FRZB: variants seen among roughly 807,000 people sequenced by gnomAD.
FRZB encodes the protein frizzled related protein.
Under a neutral mutation model 32.5 loss-of-function variants are expected in FRZB, and 34 were observed. The observed-to-expected ratio is 1.05, with a 90% CI of 0.80 to 1.39. The LOEUF (loss-of-function observed/expected upper bound fraction) is 1.39, where lower values mean the gene tolerates loss of function less well. Ranked by LOEUF, FRZB falls within the 40% of genes most tolerant of loss-of-function variation. FRZB has a pLI of 0.00. For synonymous variants in FRZB, 170 were observed against 159.2 expected (o/e 1.07, Z -0.51); for missense variants, 423 against 424.8 (o/e 1.00, Z 0.04).
chr2:182,863,229 C>G (rs1695854202), intron 1 of FRZB, among the ~76,000 whole-genome samples: 1 of 152,202 alleles, frequency 6.6e-6, no homozygotes, highest in Non-Finnish European at 1.5e-5. Flanking sequence ...CAAGCCTATC[C>G]TCTTTACTCA....
intron 5 of FRZB, among the ~76,000 whole-genome samples, chr2:182,837,177 G>T (rs927205823): frequency 7.2e-6 from 1 of 138,074 alleles, no homozygotes; most frequent in Non-Finnish European, 1.5e-5. Context: ...GCAGTAAGAA[G>T]AAACAAAACC....
intron 2 of FRZB, 137 bp downstream of exon 2, chr2:182,858,649 T>A: frequency 3.5e-6 from 2 of 564,546 alleles, no homozygotes; most frequent in Non-Finnish European, 6.1e-6. Flanking sequence ...ATAAAATTAA[T>A]ATAAATGAGG....
chr2:182,856,972 A>G lies in FRZB; in HGVS notation c.526+1814T>C, dbSNP rs534484251. Reference sequence around the variant, plus strand: ...TATTAATCAACTAAATTGAATTGACATTTAAAGGACATTCCACCCAACAGC... The same window carrying G: ...TATTAATCAACTAAATTGAATTGACGTTTAAAGGACATTCCACCCAACAGC... On this transcript the variant is annotated intron_variant, in intron 2 of 5. Coordinates refer to ENST00000295113, the MANE Select transcript of FRZB (RefSeq NM_001463.4). Among the ~76,000 whole-genome samples the G allele has an allele frequency of 7.2e-5, 11 of 152,308 alleles. No homozygotes were observed. The East Asian group carries it at 2.1e-3, about 29-fold the overall frequency.
At chr2:182,852,549 G>A (rs544231652) in intron 2 of FRZB, among the ~76,000 whole-genome samples, 10 of 152,026 alleles carry the variant, frequency 6.6e-5, no homozygotes, top group Non-Finnish European at 1.0e-4. Context: ...CTCTATCTCC[G>A]CTCTGGAGAC....
At position 182,866,585 on chromosome 2, in the gene FRZB, G is replaced by T; in HGVS notation, c.-33C>A. The T allele has an allele frequency of 7.2e-7, 1 of 1,385,648 alleles. No homozygotes were observed. Among genetic ancestry groups the T allele is most frequent in the Non-Finnish European group, 9.4e-7 (1 of 1,058,852 alleles). The allele number at this position is 1,385,648 out of a possible 1,614,324, so 85.8% of individuals were successfully genotyped here. On this transcript the variant is annotated 5_prime_UTR_variant, in exon 1 of 6. Coordinates refer to ENST00000295113, the MANE Select transcript of FRZB (RefSeq NM_001463.4). The surrounding 1 kb of genome is among the most constrained non-coding windows in gnomAD (Gnocchi z 4.5). ...GCAGGATGGGGCAGGGTGCAGCCGC[G>T]CAGTGGACGCCAAAAGGCCCGCTCC...
At chr2:182,846,757 A>T (rs927808791) in intron 2 of FRZB, among the ~76,000 whole-genome samples, 2 of 152,204 alleles carry the variant, frequency 1.3e-5, no homozygotes, top group African/African-American at 4.8e-5. Flanking sequence ...CTTAACTATG[A>T]CTTTTTTACT....
At chr2:182,854,274 T>C (rs1221274362) in intron 2 of FRZB, among the ~76,000 whole-genome samples, 1 of 152,204 alleles carries the variant, frequency 6.6e-6, no homozygotes, top group African/African-American at 2.4e-5. Flanking sequence ...TATACTTTAA[T>C]GGTTTATTTT....
intron 2 of FRZB, among the ~76,000 whole-genome samples, chr2:182,852,492 A>T (rs1366776690): frequency 6.6e-6 from 1 of 152,254 alleles, no homozygotes; most frequent in Admixed American, 6.5e-5. Context: ...ACAGGCCCCA[A>T]GAAATAATTT....
chr2:182,852,562 T>C (rs1241484820), intron 2 of FRZB, among the ~76,000 whole-genome samples: 2 of 152,180 alleles, frequency 1.3e-5, no homozygotes, highest in African/African-American at 4.8e-5. Flanking sequence ...CTGGAGACAT[T>C]TGTGTTTTTC....
intron 5 of FRZB, among the ~76,000 whole-genome samples, chr2:182,837,626 T>C (rs1695542213): frequency 6.6e-6 from 1 of 151,874 alleles, no homozygotes; most frequent in Non-Finnish European, 1.5e-5. Context: ...GCGATGCCTT[T>C]AAAAATGGTA....
intron 1 of FRZB, among the ~76,000 whole-genome samples, chr2:182,864,873 G>T (rs184193037): frequency 6.6e-6 from 1 of 152,086 alleles, no homozygotes; most frequent in African/African-American, 2.4e-5. Context: ...AGAGTTGTTG[G>T]GGGGTGGGGG....
intron 3 of FRZB, among the ~76,000 whole-genome samples, chr2:182,838,828 A>G (rs1016262875): frequency 1.6e-4 from 24 of 151,994 alleles, no homozygotes; most frequent in Non-Finnish European, 2.4e-4. Context: ...TCTCTTTCCA[A>G]TTTGTGGCTG....
At chr2:182,837,533 C>T (rs372644366) in intron 5 of FRZB, among the ~76,000 whole-genome samples, 1 of 152,002 alleles carries the variant, frequency 6.6e-6, no homozygotes, top group Non-Finnish European at 1.5e-5. Context: ...CTTTTACCTC[C>T]TCTTTTTCCT....
intron 2 of FRZB, among the ~76,000 whole-genome samples, chr2:182,849,157 G>C (rs1182784463): frequency 6.6e-6 from 1 of 152,048 alleles, no homozygotes; most frequent in African/African-American, 2.4e-5. Context: ...AACCCGGGGG[G>C]TGGAGCTTGC....
At chr2:182,859,623 C>G (rs1380842908) in intron 1 of FRZB, among the ~76,000 whole-genome samples, 1 of 152,114 alleles carries the variant, frequency 6.6e-6, no homozygotes, top group East Asian at 1.9e-4. Context: ...TTTAATGCCT[C>G]TATTTATTCT....
At chr2:182,850,648 T>G (rs1230246618) in intron 2 of FRZB, among the ~76,000 whole-genome samples, 4 of 152,252 alleles carry the variant, frequency 2.6e-5, no homozygotes, top group African/African-American at 4.8e-5. Context: ...TTAGGTTGAT[T>G]CTACATTTTG....
rs1237445695 is a variant in FRZB, at chr2:182,866,471, G to A, written c.82C>T (p.Pro28Ser). 1 of 1,560,890 alleles carries A rather than the reference G, an allele frequency of 6.4e-7. No individual in the cohort carries two copies. The highest frequency in any genetic ancestry group is 2.3e-5 in the East Asian group (1 of 44,020). Residue 28 changes from proline (P) to serine (S), a missense_variant, in exon 1 of 6, where the codon CCC (proline) becomes TCC (serine). By Grantham distance (74) the Pro-to-Ser change is moderately conservative. Transcript: ENST00000295113. The surrounding 1 kb of genome is among the most constrained non-coding windows in gnomAD (Gnocchi z 4.5). Reference protein sequence around the residue: ...ALAALCLLRVPGARAAACEPV... With the variant: ...ALAALCLLRVSGARAAACEPV... The stretch of plus-strand genomic sequence containing the variant: ...TCACAGGCTGCAGCCCGAGCCCCGG[G>A]CACCCGGAGCAGGCAGAGAGCAGCC...
Position 182,838,564 on chromosome 2 carries a change from A to C in FRZB, c.642T>G (p.Thr214=), listed in dbSNP as rs762826162. ...GAATCTCCTTCACCTCCACTACTGCAGTCACATCATGGCACTTAGTCTTTA... is the reference window on the plus strand; with the variant it reads ...GAATCTCCTTCACCTCCACTACTGCCGTCACATCATGGCACTTAGTCTTTA... ...KEIKTKCHDV[T]AVVEVKEILK... Residue 214 remains threonine, a synonymous_variant, in exon 4 of 6, where the codon ACT becomes ACG. Coordinates refer to ENST00000295113, the MANE Select transcript of FRZB (RefSeq NM_001463.4). 3 of 1,613,038 alleles carry C rather than the reference A, an allele frequency of 1.9e-6. No individual in the cohort carries two copies. Among genetic ancestry groups the C allele is most frequent in the East Asian group, 4.5e-5 (2 of 44,858 alleles).
intron 2 of FRZB, among the ~76,000 whole-genome samples, chr2:182,852,131 GA>G (rs1362464180): frequency 6.6e-6 from 1 of 152,120 alleles, no homozygotes; most frequent in African/African-American, 2.4e-5. Context: ...TTGTACCAAA[GA>G]AAAAAACTGA....
Sources: allele counts gnomAD v4.1 joint callset (sites outside exome capture counted in the v4.1 genomes callset), GRCh38; gene constraint gnomAD v4.1.1; non-coding constraint Gnocchi (gnomAD v3.1); transcripts MANE v1.5; gene names NCBI Gene and HGNC (gene_info 2026-07-23, HGNC 2026-07-21).